GDAP1: variants seen among roughly 807,000 people sequenced by gnomAD.
The protein encoded by GDAP1 is ganglioside-induced differentiation-associated protein 1.
A neutral mutation model predicts 40.1 loss-of-function variants in GDAP1; 34 were observed. The ratio of observed to expected loss-of-function variants is 0.85; its 90% CI spans 0.64 to 1.13. The LOEUF (loss-of-function observed/expected upper bound fraction) is 1.13, where lower values mean the gene tolerates loss of function less well. Among genes scored for constraint, GDAP1 ranks in the 50% most tolerant of loss-of-function variants. The pLI, the probability that GDAP1 is intolerant of heterozygous loss-of-function variation, is 0.00. For missense variants in GDAP1, 374 were observed against 433.7 expected, an observed-to-expected ratio of 0.86 and a Z score of 1.22; for synonymous variants, 170 against 157.4, an observed-to-expected ratio of 1.08 and a Z score of -0.60.
At chr8:74,439,010 G>C (rs1476445342) in intron 2 of GDAP1, among the ~76,000 whole-genome samples, 1 of 147,438 alleles carries the variant, frequency 6.8e-6, no homozygotes, top group African/African-American at 2.5e-5. Flanking sequence ...TATGACATAC[G>C]TGTGTGTATG....
At chr8:74,411,743 A>G (rs1308383829) in intron 2 of GDAP1, among the ~76,000 whole-genome samples, 1 of 148,346 alleles carries the variant, frequency 6.7e-6, no homozygotes, top group East Asian at 1.9e-4. Context: ...ATTGCTAAGC[A>G]TAGTGGCTTA....
At chr8:74,353,838 A>T (rs1187956056) in intron 2 of GDAP1, among the ~76,000 whole-genome samples, 1 of 152,190 alleles carries the variant, frequency 6.6e-6, no homozygotes, top group Non-Finnish European at 1.5e-5. Context: ...ACTGTCTTTA[A>T]ATCTGGTGGA....
rs919384136 is a variant in GDAP1 at position 74,416,022 on chromosome 8, C to G, written c.165+64701C>G. Among the ~76,000 whole-genome samples the G allele has an allele frequency of 2.0e-5, 3 of 149,706 alleles. 1 individual carries two copies. The highest frequency in any genetic ancestry group is 7.7e-5 in the African/African-American group (3 of 39,136). ...CTGTCTCTGCAGGGAGGCTTATGGC[C>G]CTGGTGCAGTTTTCAGATCTGAGCT... On this transcript the variant is annotated intron_variant, in intron 2 of 2. Coordinates refer to the GDAP1 transcript ENST00000523640.
In GDAP1 at chr8:74,364,730, A is replaced by C; in HGVS notation, c.*363A>C. The C allele has an allele frequency of 2.2e-6, 1 of 464,664 alleles. No individual in the cohort carries two copies. The highest frequency in any genetic ancestry group is 4.3e-6 in the Non-Finnish European group (1 of 234,224). 28.8% of individuals were successfully genotyped at this position (464,664 alleles called of 1,614,324 possible). A position where few individuals can be genotyped will look rare whatever the true frequency, so the allele number is the denominator to read the frequency against. Reference sequence around the variant, plus strand: ...TTACTTGTGGCTACTGCCCACACATACACTTCTGTAATTGAGAACTCTTAG... The same window carrying C: ...TTACTTGTGGCTACTGCCCACACATCCACTTCTGTAATTGAGAACTCTTAG... On this transcript the variant is annotated 3_prime_UTR_variant, in exon 6 of 6. Coordinates refer to ENST00000220822, the MANE Select transcript of GDAP1 (RefSeq NM_018972.4).
rs943609271 is a variant in GDAP1, at chr8:74,400,803, C to G, written c.165+49482C>G. ...TCTGTAAAGGATTTTATTTCTCCTT[C>G]ACTTATGAAGCTTAGTTTGGCTGGA... is the stretch of plus-strand genomic sequence containing the variant. On this transcript the variant is annotated intron_variant, in intron 2 of 2. Transcript: ENST00000523640. Among the ~76,000 whole-genome samples, 823 of 149,166 alleles carry G rather than the reference C, an allele frequency of 5.5e-3. 72 individuals are homozygous for G. Among genetic ancestry groups the G allele is most frequent in the African/African-American group, 0.02 (792 of 38,666 alleles).
intron 2 of GDAP1, among the ~76,000 whole-genome samples, chr8:74,414,921 T>A (rs1023140793): frequency 2.7e-5 from 4 of 149,678 alleles, no homozygotes; most frequent in African/African-American, 1.0e-4. Context: ...ACGAAAAAAA[T>A]TATTCAAAGC....
rs1011918230 is a variant in GDAP1, at chr8:74,408,378, G to A, written c.165+57057G>A. ...TGTGTTGCTCTAAAATTCATCTATT[G>A]AAAACTAATCCCCAGTGTGATGGCA... is the stretch of plus-strand genomic sequence containing the variant. On this transcript the variant is annotated intron_variant, in intron 2 of 2. Transcript: ENST00000523640. Among the ~76,000 whole-genome samples the A allele has an allele frequency of 2.0e-4, 30 of 150,076 alleles. 5 individuals are homozygous for A. The highest frequency in any genetic ancestry group is 7.4e-4 in the African/African-American group (29 of 39,432).
At chr8:74,397,127 T>G (rs1472398536) in intron 2 of GDAP1, among the ~76,000 whole-genome samples, 3 of 152,194 alleles carry the variant, frequency 2.0e-5, no homozygotes, top group Non-Finnish European at 4.4e-5. Context: ...CATTTTTTCA[T>G]GTATCTGTTG....
At chr8:74,456,533 G>A (rs1365846998) in intron 2 of GDAP1, among the ~76,000 whole-genome samples, 1 of 151,908 alleles carries the variant, frequency 6.6e-6, no homozygotes, top group Non-Finnish European at 1.5e-5. Flanking sequence ...CTTCATTCAT[G>A]TCTAAATATC....
intron 2 of GDAP1, among the ~76,000 whole-genome samples, chr8:74,466,246 G>A (rs78014149): frequency 0.03 from 4,579 of 152,228 alleles, 231 homozygotes; most frequent in African/African-American, 0.11. Context: ...AAAAATTTAA[G>A]ACATCTCAAA....
intron 2 of GDAP1, among the ~76,000 whole-genome samples, chr8:74,420,778 T>G (rs970120320): frequency 6.6e-6 from 1 of 152,104 alleles, no homozygotes; most frequent in African/African-American, 2.4e-5. Context: ...GTGTGTTCAT[T>G]GTAAATTACA....
chr8:74,391,958 A>G (rs1810116775), intron 2 of GDAP1, among the ~76,000 whole-genome samples: 1 of 152,050 alleles, frequency 6.6e-6, no homozygotes, highest in Non-Finnish European at 1.5e-5. Flanking sequence ...AGCTGGGATT[A>G]CAGGCATGCA....
At chr8:74,356,658 TAGTG>T (rs1384326190) in intron 2 of GDAP1, among the ~76,000 whole-genome samples, 16 of 92,376 alleles carry the variant, frequency 1.7e-4, no homozygotes, top group Middle Eastern at 5.2e-3. Flanking sequence ...TAATATTATT[TAGTG>T]TGTGTGTGTG....
intron 2 of GDAP1, among the ~76,000 whole-genome samples, chr8:74,476,633 G>A (rs753847546): frequency 6.6e-6 from 1 of 152,184 alleles, no homozygotes; most frequent in Non-Finnish European, 1.5e-5. Flanking sequence ...GGCTTGTAGG[G>A]TTTCTGCTGA....
At chr8:74,468,174 T>G (rs1806498079) in intron 2 of GDAP1, among the ~76,000 whole-genome samples, 1 of 152,002 alleles carries the variant, frequency 6.6e-6, no homozygotes. Flanking sequence ...TACGGTGGTG[T>G]TTTAATATGT....
At chr8:74,485,473 A>G (rs762462091) in intron 2 of GDAP1, among the ~76,000 whole-genome samples, 2 of 152,200 alleles carry the variant, frequency 1.3e-5, no homozygotes, top group Non-Finnish European at 2.9e-5. Flanking sequence ...GTCCCTCGGC[A>G]TATGAGGCAC....
chr8:74,367,807 C>G (rs1291599315), downstream of GDAP1, among the ~76,000 whole-genome samples: 1 of 152,152 alleles, frequency 6.6e-6, no homozygotes. Context: ...TGAAAGAACT[C>G]AGTTTATGGA....
chr8:74,488,252 T>G (rs1194077829), intron 2 of GDAP1, among the ~76,000 whole-genome samples: 1 of 152,178 alleles, frequency 6.6e-6, no homozygotes. Flanking sequence ...ATATTTTATC[T>G]TTTTCTACGG....
intron 3 of GDAP1, among the ~76,000 whole-genome samples, chr8:74,361,006 T>C (rs141325081): frequency 2.6e-3 from 391 of 152,308 alleles, no homozygotes; most frequent in African/African-American, 8.9e-3. Flanking sequence ...ACCTTTATTA[T>C]TCTTATTATT....
Sources: allele counts gnomAD v4.1 joint callset (sites outside exome capture counted in the v4.1 genomes callset), GRCh38; gene constraint gnomAD v4.1.1; transcripts MANE v1.5; gene names NCBI Gene and HGNC (gene_info 2026-07-23, HGNC 2026-07-21).